Variants in PPP1R21 observed in about 807,000 individuals in gnomAD.
PPP1R21 encodes protein phosphatase 1 regulatory subunit 21, also known as KLRAQ motif containing 1.
Under a neutral mutation model 112.8 loss-of-function variants are expected in PPP1R21, and 85 were observed. The observed-to-expected ratio is 0.75, with a 90% CI of 0.63 to 0.90. PPP1R21 has a LOEUF of 0.90. Among genes scored for constraint, PPP1R21 ranks in the 40% least tolerant of loss-of-function variants. PPP1R21 has a pLI of 0.00. For missense variants in PPP1R21, 1,199 were observed against 901.5 expected (o/e 1.33, Z -4.23); for synonymous variants, 381 against 322.3 (o/e 1.18, Z -1.95).
Position 48,464,969 on chromosome 2 carries a change from C to G in PPP1R21, c.727C>G (p.Leu243Val). 1 of 1,559,110 alleles carries G rather than the reference C, an allele frequency of 6.4e-7. No homozygotes were observed. The highest frequency in any genetic ancestry group is 8.6e-7 in the Non-Finnish European group (1 of 1,162,798). ...TCAGTACAACGCTCTGAACGTTCCA[C>G]TCCACAATAGGAGACACCAGGTAAA... ...YSQYNALNVP[L>V]HNRRHQLKMR... The change falls in exon 8 of 22, where the codon CTC becomes GTC. Residue 243 changes from leucine (L) to valine (V), a missense_variant. Physicochemically the swap from Leu to Val is conservative, Grantham distance 32. Coordinates refer to ENST00000294952, the MANE Select transcript of PPP1R21 (RefSeq NM_001135629.3).
chr2:48,493,921 T>C (rs1669683486), intron 15 of PPP1R21, among the ~76,000 whole-genome samples: 1 of 151,812 alleles, frequency 6.6e-6, no homozygotes, highest in Admixed American at 6.6e-5. Flanking sequence ...ATAAGCCCAT[T>C]GTATGTTGAA....
In PPP1R21 at chr2:48,451,096, T is replaced by C; in HGVS notation, c.126+20T>C. 6.2e-7 allele frequency: 1 copy of C among 1,602,106 alleles called. No individual in the cohort carries two copies. ...TTAAAGGTGGGCAACAGGATATTTGTGTTGTGAGGGTTAAGTTAGCATTTG... is the reference window on the plus strand; with the variant it reads ...TTAAAGGTGGGCAACAGGATATTTGCGTTGTGAGGGTTAAGTTAGCATTTG... On this transcript the variant is annotated intron_variant, in intron 2 of 21. Coordinates refer to ENST00000294952, the MANE Select transcript of PPP1R21 (RefSeq NM_001135629.3).
intron 2 of PPP1R21, among the ~76,000 whole-genome samples, chr2:48,454,024 C>T (rs1346657819): frequency 2.6e-5 from 4 of 152,000 alleles, no homozygotes; most frequent in Non-Finnish European, 4.4e-5. Context: ...TTTGGGAGGC[C>T]GAGGCAGGTG....
intron 13 of PPP1R21, among the ~76,000 whole-genome samples, chr2:48,482,266 A>G (rs1191916047): frequency 2.0e-5 from 3 of 152,244 alleles, no homozygotes; most frequent in African/African-American, 4.8e-5. Context: ...TCCAAATGTT[A>G]AAGGAGCTGA....
chr2:48,450,060 C>T (rs1314155413), intron 1 of PPP1R21, among the ~76,000 whole-genome samples: 1 of 152,104 alleles, frequency 6.6e-6, no homozygotes, highest in Non-Finnish European at 1.5e-5. Flanking sequence ...GATTTGTATA[C>T]TTTATTTAAA....
At chr2:48,499,853 T>C (rs1670026964) in intron 17 of PPP1R21, among the ~76,000 whole-genome samples, 1 of 152,248 alleles carries the variant, frequency 6.6e-6, no homozygotes, top group Non-Finnish European at 1.5e-5. Flanking sequence ...CACTATTCTG[T>C]TCACTGTAAA....
At chr2:48,513,205 C>G (rs996626218) in intron 21 of PPP1R21, among the ~76,000 whole-genome samples, 14 of 151,512 alleles carry the variant, frequency 9.2e-5, no homozygotes, top group Admixed American at 8.6e-4. Context: ...CAAGTTTCCT[C>G]TGACTTTTTT....
intron 2 of PPP1R21, among the ~76,000 whole-genome samples, chr2:48,452,140 A>G (rs747255620): frequency 6.6e-5 from 10 of 152,206 alleles, no homozygotes; most frequent in Non-Finnish European, 1.2e-4. Flanking sequence ...ATATCTCCAA[A>G]TGATATTTAA....
At chr2:48,471,827 A>T (rs1261056432) in intron 11 of PPP1R21, among the ~76,000 whole-genome samples, 1 of 152,214 alleles carries the variant, frequency 6.6e-6, no homozygotes, top group Admixed American at 6.5e-5. Context: ...GGGCAGAAAA[A>T]ATAATACGTA....
At chr2:48,474,842 G>A in intron 12 of PPP1R21, 23 bp downstream of exon 12, 1 of 1,605,936 alleles carries the variant, frequency 6.2e-7, no homozygotes, top group Non-Finnish European at 8.5e-7. Context: ...GTTGCTTAGG[G>A]GTCAACTTCA....
chr2:48,483,297 T>A (rs1348328725), intron 13 of PPP1R21, among the ~76,000 whole-genome samples: 1 of 134,138 alleles, frequency 7.5e-6, no homozygotes, highest in Non-Finnish European at 1.5e-5. Flanking sequence ...TTCTCCTGCC[T>A]CAGCCTCCTG....
intron 21 of PPP1R21, among the ~76,000 whole-genome samples, chr2:48,512,490 A>G (rs1670688403): frequency 6.6e-6 from 1 of 152,046 alleles, no homozygotes; most frequent in Non-Finnish European, 1.5e-5. Context: ...GCAGGCATTT[A>G]TTGAGTTCCT....
intron 13 of PPP1R21, among the ~76,000 whole-genome samples, chr2:48,484,286 A>G (rs941009396): frequency 2.0e-5 from 3 of 152,120 alleles, no homozygotes; most frequent in African/African-American, 7.2e-5. Flanking sequence ...CTCCTTCAGC[A>G]TTTGGGGGTC....
intron 7 of PPP1R21, among the ~76,000 whole-genome samples, chr2:48,464,584 G>C (rs1398743614): frequency 6.6e-6 from 1 of 152,188 alleles, no homozygotes; most frequent in African/African-American, 2.4e-5. Flanking sequence ...TAGCGTGGCG[G>C]CTTTGTGGAG....
At chr2:48,489,357 C>G (rs565682127) in intron 14 of PPP1R21, among the ~76,000 whole-genome samples, 2 of 150,930 alleles carry the variant, frequency 1.3e-5, no homozygotes, top group Admixed American at 1.3e-4. Context: ...AAAAATCAGC[C>G]ACACATGATG....
chr2:48,460,175 A>T, intron 6 of PPP1R21, 22 bp downstream of exon 6: 2 of 1,613,458 alleles, frequency 1.2e-6, no homozygotes, highest in Non-Finnish European at 1.7e-6. Flanking sequence ...CTTGAATTCC[A>T]AGAGGGTTCT....
intron 1 of PPP1R21, among the ~76,000 whole-genome samples, chr2:48,446,837 G>A (rs1052628264): frequency 6.6e-6 from 1 of 152,184 alleles, no homozygotes; most frequent in East Asian, 1.9e-4. Context: ...ACCTCCGTCC[G>A]TCTCCTGGGT....
intron 2 of PPP1R21, among the ~76,000 whole-genome samples, chr2:48,453,558 A>G (rs1384606526): frequency 6.6e-6 from 1 of 152,206 alleles, no homozygotes; most frequent in African/African-American, 2.4e-5. Context: ...AAAAGTTGTC[A>G]GAACATCATA....
At chr2:48,462,347 GAGAT>G (rs1216739248) in intron 7 of PPP1R21, among the ~76,000 whole-genome samples, 9 of 152,220 alleles carry the variant, frequency 5.9e-5, no homozygotes, top group African/African-American at 2.2e-4. Flanking sequence ...TCGTAAGGCA[GAGAT>G]AGATGTAGAA....
Sources: allele counts gnomAD v4.1 joint callset (sites outside exome capture counted in the v4.1 genomes callset), GRCh38; gene constraint gnomAD v4.1.1; transcripts MANE v1.5; gene names NCBI Gene and HGNC (gene_info 2026-07-23, HGNC 2026-07-21).